The following PPA2 variants were observed in gnomAD, a reference collection of about 807,000 sequenced individuals.
PPA2 encodes the protein inorganic pyrophosphatase 2, also known as inorganic pyrophosphatase 2, mitochondrial.
PPA2 carries 48 observed loss-of-function variants against 49.5 expected under a neutral mutation model. The ratio of observed to expected loss-of-function variants is 0.97; its 90% CI spans 0.77 to 1.23. The LOEUF is 1.23. PPA2 is among the 50% of genes most tolerant of loss of function. PPA2 has a pLI of 0.00. For missense variants in PPA2, 429 were observed against 410.1 expected, an observed-to-expected ratio of 1.05 and a Z score of -0.40; for synonymous variants, 131 against 139.9, an observed-to-expected ratio of 0.94 and a Z score of 0.45.
rs947610018 is a variant in PPA2 at position 105,473,371 on chromosome 4, C to T, written c.157+523G>A. 1.8e-5 allele frequency: 6 copies of T among 340,756 alleles called. No individual in the cohort carries two copies. The Admixed American group carries it at 2.4e-4, about 13-fold the overall frequency. The allele number at this position is 340,756 out of a possible 1,614,324, so 21.1% of individuals were successfully genotyped here. ...AAGCTTCTGGGGAAAGAACCTTCAT[C>T]AGAGTCCCTCCAAAAAAAGAAGACG... On this transcript the variant is annotated intron_variant, in intron 1 of 11. Coordinates refer to ENST00000341695, the MANE Select transcript of PPA2 (RefSeq NM_176869.3).
At chr4:105,387,812 A>C (rs1733745165) in intron 9 of PPA2, among the ~76,000 whole-genome samples, 1 of 152,078 alleles carries the variant, frequency 6.6e-6, no homozygotes, top group East Asian at 1.9e-4. Context: ...TCTACAGCTC[A>C]TGTTTAAACA....
intron 9 of PPA2, among the ~76,000 whole-genome samples, chr4:105,392,102 G>C (rs551004121): frequency 7.9e-5 from 12 of 152,294 alleles, no homozygotes; most frequent in African/African-American, 2.9e-4. Context: ...TGGTTGAAGA[G>C]AAAGTGGGAG....
intron 6 of PPA2, among the ~76,000 whole-genome samples, chr4:105,436,755 A>T (rs1197134973): frequency 8.5e-5 from 13 of 152,194 alleles, no homozygotes; most frequent in Admixed American, 8.5e-4. Flanking sequence ...TACTGGGAAA[A>T]CTGGCTAGCC....
chr4:105,398,783 A>C, intron 8 of PPA2: 1 of 276,704 alleles, frequency 3.6e-6, no homozygotes, highest in Non-Finnish European at 6.6e-6. Flanking sequence ...TGATCATGAA[A>C]TTCCTTCATT....
chr4:105,380,200 C>T (rs1341119304), intron 10 of PPA2, among the ~76,000 whole-genome samples: 1 of 125,650 alleles, frequency 8.0e-6, no homozygotes, highest in African/African-American at 2.5e-5. Flanking sequence ...TTGTTTATGC[C>T]TACTTCTTCT....
chr4:105,413,169 G>A (rs1722841170), intron 7 of PPA2, among the ~76,000 whole-genome samples: 1 of 152,176 alleles, frequency 6.6e-6, no homozygotes, highest in South Asian at 2.1e-4. Flanking sequence ...GTGAGTTCAT[G>A]TCCTTTGCAA....
intron 10 of PPA2, among the ~76,000 whole-genome samples, chr4:105,375,478 G>C (rs1284607801): frequency 6.6e-6 from 1 of 152,028 alleles, no homozygotes; most frequent in African/African-American, 2.4e-5. Context: ...AAATATTGTA[G>C]TGTGATCTTA....
chr4:105,456,104 T>C (rs1334603514), intron 2 of PPA2: 1 of 382,118 alleles, frequency 2.6e-6, no homozygotes, highest in African/African-American at 2.1e-5. Flanking sequence ...AACTGTCAAG[T>C]GATTTTCAGT....
In PPA2 at chr4:105,436,330, G is replaced by A. The variant is rs76524759; in HGVS notation, c.528+1620C>T. ...TGAAAGGAATCATAGATGACACAGA[G>A]GGAAAAACATCCCATGCTCATGGAT... is the stretch of plus-strand genomic sequence containing the variant. On this transcript the variant is annotated intron_variant, in intron 6 of 11. Coordinates refer to ENST00000341695, the MANE Select transcript of PPA2 (RefSeq NM_176869.3). Among the ~76,000 whole-genome samples the A allele has an allele frequency of 1.4e-3, 213 of 151,976 alleles. 3 individuals carry two copies. The highest frequency in any genetic ancestry group is 2.3e-3 in the Non-Finnish European group (156 of 67,866).
At chr4:105,427,316 C>A (rs1414799146) in intron 6 of PPA2, among the ~76,000 whole-genome samples, 1 of 152,108 alleles carries the variant, frequency 6.6e-6, no homozygotes, top group African/African-American at 2.4e-5. Context: ...AGCTCCTCAC[C>A]AGCAACAGAA....
At chr4:105,455,602 A>G (rs1722845547) in intron 2 of PPA2, among the ~76,000 whole-genome samples, 1 of 152,252 alleles carries the variant, frequency 6.6e-6, no homozygotes, top group South Asian at 2.1e-4. Flanking sequence ...CAGGGAACAC[A>G]GTGCTGGCTA....
chr4:105,408,787 T>C (rs1232113092), intron 7 of PPA2, among the ~76,000 whole-genome samples: 1 of 152,182 alleles, frequency 6.6e-6, no homozygotes, highest in Non-Finnish European at 1.5e-5. Context: ...CTAAAAGATA[T>C]ACAAGATATA....
chr4:105,435,747 A>T (rs541584520), intron 6 of PPA2, among the ~76,000 whole-genome samples: 262 of 152,330 alleles, frequency 1.7e-3, no homozygotes, highest in Non-Finnish European at 2.5e-3. Context: ...CACGTGATAA[A>T]ATTCAACATT....
At chr4:105,409,848 A>G (rs1450678576) in intron 7 of PPA2, among the ~76,000 whole-genome samples, 1 of 152,258 alleles carries the variant, frequency 6.6e-6, no homozygotes, top group Non-Finnish European at 1.5e-5. Flanking sequence ...ACTAACTAAC[A>G]GAAAGGAATA....
At chr4:105,413,870 A>G (rs1722876188) in intron 7 of PPA2, among the ~76,000 whole-genome samples, 1 of 152,268 alleles carries the variant, frequency 6.6e-6, no homozygotes, top group African/African-American at 2.4e-5. Context: ...ATGTATTAAA[A>G]AAGACTGATA....
chr4:105,408,813 T>A (rs1578829674), intron 7 of PPA2, among the ~76,000 whole-genome samples: 1 of 152,150 alleles, frequency 6.6e-6, no homozygotes, highest in African/African-American at 2.4e-5. Context: ...TAAACAAGAA[T>A]ACCTGAATAA....
At chr4:105,380,420 C>G (rs66867451) in intron 10 of PPA2, among the ~76,000 whole-genome samples, 18,529 of 152,150 alleles carry the variant, frequency 0.12, 1,182 homozygotes, top group African/African-American at 0.15. Flanking sequence ...ACCAGTTTTA[C>G]CATCTTCTCA....
At chr4:105,473,472 G>A (rs1723614766) in intron 1 of PPA2, 1 of 383,988 alleles carries the variant, frequency 2.6e-6, no homozygotes, top group African/African-American at 2.2e-5. Flanking sequence ...GGTTTCTTAC[G>A]CCTCTAGGAA....
At chr4:105,394,692 A>G (rs1027321996) in intron 9 of PPA2, among the ~76,000 whole-genome samples, 1 of 152,178 alleles carries the variant, frequency 6.6e-6, no homozygotes, top group Non-Finnish European at 1.5e-5. Flanking sequence ...CTTCACAGTA[A>G]GGATAATTAG....
Sources: allele counts gnomAD v4.1 joint callset (sites outside exome capture counted in the v4.1 genomes callset), GRCh38; gene constraint gnomAD v4.1.1; transcripts MANE v1.5; gene names NCBI Gene and HGNC (gene_info 2026-07-23, HGNC 2026-07-21).